Variants in TRPC5 observed in about 807,000 individuals in gnomAD.
The protein encoded by TRPC5 is transient receptor potential cation channel subfamily C member 5, also known as short transient receptor potential channel 5.
A neutral mutation model predicts 56.5 loss-of-function variants in TRPC5; 9 were observed. The ratio of observed to expected loss-of-function variants is 0.16; its 90% CI spans 0.10 to 0.28. The LOEUF is 0.28. Ranked by LOEUF, TRPC5 falls within the 10% of genes least tolerant of loss-of-function variation. The pLI is 1.00. For missense variants in TRPC5, 469 were observed against 748.9 expected (o/e 0.63, Z 4.36); for synonymous variants, 282 against 278.5 (o/e 1.01, Z -0.13).
chrX:112,057,064 C>A (rs954689096), intron 1 of TRPC5, among the ~76,000 whole-genome samples: 7 of 112,210 alleles, frequency 6.2e-5, no homozygotes, highest in Non-Finnish European at 1.3e-4. Context: ...AATCTTTTCA[C>A]TTTCAGTCAC....
intron 6 of TRPC5, among the ~76,000 whole-genome samples, chrX:111,835,527 G>A (rs1435990250): frequency 1.8e-5 from 2 of 111,887 alleles, no homozygotes; most frequent in East Asian, 5.6e-4. Flanking sequence ...GGTGGCTCAC[G>A]CTTGTAATCC....
At chrX:112,026,066 C>A (rs182032795) in intron 1 of TRPC5, among the ~76,000 whole-genome samples, 26 of 112,273 alleles carry the variant, frequency 2.3e-4, no homozygotes, top group African/African-American at 8.4e-4. Flanking sequence ...TAAGAGCACT[C>A]CTGGATGCAT....
chrX:111,810,908 T>TA (rs1174223285), intron 7 of TRPC5, among the ~76,000 whole-genome samples: 1 of 111,903 alleles, frequency 8.9e-6, no homozygotes, highest in Non-Finnish European at 1.9e-5. Flanking sequence ...CAATAGGGAA[T>TA]AAAAAAATTA....
chrX:111,948,683 G>T (rs1163477376), intron 2 of TRPC5, among the ~76,000 whole-genome samples: 1 of 106,929 alleles, frequency 9.4e-6, no homozygotes, highest in Non-Finnish European at 1.9e-5. Context: ...AGTGAGCCGA[G>T]ATTGTGCCAC....
intron 2 of TRPC5, among the ~76,000 whole-genome samples, chrX:111,914,603 G>A (rs908196852): frequency 8.9e-6 from 1 of 112,127 alleles, no homozygotes. Flanking sequence ...GTTGAAAGAT[G>A]ACTGCATAAT....
intron 7 of TRPC5, among the ~76,000 whole-genome samples, chrX:111,791,019 CAAAAAAAAAAAAAAAAAA>C (rs753897017): frequency 4.3e-4 from 4 of 9,293 alleles, no homozygotes; most frequent in African/African-American, 8.2e-4. Flanking sequence ...GACTCCATCT[CAAAAAAAAAAAAAAAAAA>C]AAAAAAAAAA....
intron 7 of TRPC5, among the ~76,000 whole-genome samples, chrX:111,807,115 T>C (rs1221655398): frequency 9.0e-6 from 1 of 111,666 alleles, no homozygotes; most frequent in Non-Finnish European, 1.9e-5. Context: ...TATATTTCTA[T>C]AGGTTTGGGA....
intron 3 of TRPC5, among the ~76,000 whole-genome samples, chrX:111,861,601 T>C (rs1282879181): frequency 1.8e-5 from 2 of 111,962 alleles, no homozygotes; most frequent in African/African-American, 6.5e-5. Context: ...ATGTAAAACC[T>C]GTTAATTTTT....
chrX:112,029,571 C>G (rs1929528340), intron 1 of TRPC5, among the ~76,000 whole-genome samples: 1 of 111,553 alleles, frequency 9.0e-6, no homozygotes, highest in South Asian at 3.8e-4. Context: ...AATCTCCAAG[C>G]TGATCTCCGT....
chrX:111,859,801 G>GT (rs954217892), intron 3 of TRPC5, among the ~76,000 whole-genome samples: 25 of 106,870 alleles, frequency 2.3e-4, no homozygotes, highest in South Asian at 3.9e-4. Context: ...AAAGTAACCA[G>GT]TTTTTTTTTT....
At chrX:111,846,724 C>T (rs912683135) in intron 6 of TRPC5, among the ~76,000 whole-genome samples, 1 of 112,152 alleles carries the variant, frequency 8.9e-6, no homozygotes, top group African/African-American at 3.2e-5. Context: ...CTTTGGTAGC[C>T]ACTCGTTCAG....
chrX:111,806,009 T>C (rs1304416245), intron 7 of TRPC5, among the ~76,000 whole-genome samples: 1 of 101,624 alleles, frequency 9.8e-6, no homozygotes, highest in East Asian at 3.1e-4. Context: ...TTTGGTAAAA[T>C]TATATTCAAA....
At chrX:111,801,289 A>G (rs1291663154) in intron 7 of TRPC5, among the ~76,000 whole-genome samples, 1 of 111,989 alleles carries the variant, frequency 8.9e-6, no homozygotes, top group Non-Finnish European at 1.9e-5. Flanking sequence ...CCATTAATCA[A>G]TTGATGGTCA....
At chrX:111,904,318 T>C (rs1480081572) in intron 3 of TRPC5, among the ~76,000 whole-genome samples, 2 of 112,314 alleles carry the variant, frequency 1.8e-5, no homozygotes, top group Non-Finnish European at 3.8e-5. Context: ...CAGGAATATC[T>C]GAAAAATGTG....
chrX:111,916,309 C>A (rs144280750), intron 2 of TRPC5, among the ~76,000 whole-genome samples: 1 of 111,790 alleles, frequency 8.9e-6, no homozygotes, highest in Non-Finnish European at 1.9e-5. Context: ...GGAACTACTA[C>A]GAGGTCTCAC....
intron 1 of TRPC5, among the ~76,000 whole-genome samples, chrX:111,960,678 C>T (rs1004758388): frequency 2.7e-5 from 3 of 111,752 alleles, no homozygotes; most frequent in Admixed American, 9.5e-5. Context: ...CAGAAATGAG[C>T]CTGTCCCATT....
chrX:111,988,266 A>G lies in TRPC5; in HGVS notation c.-21-35825T>C, dbSNP rs2238997. Among the ~76,000 whole-genome samples the G allele has an allele frequency of 1.0e-3, 116 of 111,549 alleles. 1 individual carries two copies. In the East Asian group the frequency reaches 0.024, roughly 23 times the overall value. ...TGGCAACCCCTTTGTCATTTTACTT[A>G]CAGTCAGAGAACAAGAACCTGCTGA... On this transcript the variant is annotated intron_variant, in intron 1 of 10. Coordinates refer to ENST00000262839, the MANE Select transcript of TRPC5 (RefSeq NM_012471.3).
At chrX:111,926,601 G>T (rs772283183) in intron 2 of TRPC5, among the ~76,000 whole-genome samples, 1 of 111,675 alleles carries the variant, frequency 9.0e-6, no homozygotes, top group South Asian at 3.8e-4. Flanking sequence ...TCTTAGCAAC[G>T]AGCAGTGATT....
intron 1 of TRPC5, among the ~76,000 whole-genome samples, chrX:111,977,262 C>T (rs780722264): frequency 2.0e-4 from 22 of 111,366 alleles, no homozygotes; most frequent in African/African-American, 4.2e-4. Flanking sequence ...TAAAACATTA[C>T]GGTACCAGCA....
Sources: gnomAD v4.1 joint callset for allele counts (sites outside exome capture counted in the v4.1 genomes callset) on GRCh38, gnomAD v4.1.1 for gene constraint, MANE v1.5 for transcripts, NCBI Gene and HGNC (gene_info 2026-07-23, HGNC 2026-07-21) for gene names.